Variants in TEX13C observed in about 807,000 individuals in gnomAD.
TEX13C encodes the protein TEX13 family member C, also known as testis-expressed protein 13C.
For synonymous variants in TEX13C, 219 were observed against 116.6 expected (o/e 1.88, Z -5.65); for missense variants, 480 against 298.7 (o/e 1.61, Z -4.47).
At chrX:125,320,385 A>C in exon 1 of TEX13C, 1 of 515,855 alleles carries the variant, frequency 1.9e-6, no homozygotes. Flanking sequence ...CTGCTGTACC[A>C]GGTTTGGTGG....
chrX:125,324,376 C>T (rs1198586463), exon 1 of TEX13C: 1 of 111,251 alleles, frequency 9.0e-6, no homozygotes, highest in East Asian at 2.8e-4. Context: ...GCGAAAGAGA[C>T]TTTCATGAAA....
exon 1 of TEX13C, chrX:125,322,563 G>A (rs1310496841): frequency 5.9e-6 from 3 of 512,367 alleles, no homozygotes; most frequent in Non-Finnish European, 1.0e-5. Flanking sequence ...AGAATCCACA[G>A]CCTGAAGAAA....
chrX:125,324,184 A>G (rs1189164080), exon 1 of TEX13C: 1 of 111,503 alleles, frequency 9.0e-6, no homozygotes, highest in African/African-American at 3.3e-5. Flanking sequence ...CTAGACTTGT[A>G]TGTTATTATC....
chrX:125,323,981 A>G (rs2018870974), exon 1 of TEX13C: 3 of 112,189 alleles, frequency 2.7e-5, no homozygotes, highest in African/African-American at 9.7e-5. Context: ...TTAACTTAGA[A>G]AAGTTTGGGG....
exon 1 of TEX13C, chrX:125,322,225 G>A (rs1466291973): frequency 1.4e-4 from 71 of 503,982 alleles, no homozygotes; most frequent in Non-Finnish European, 2.4e-4. Context: ...CCAAGGAGAT[G>A]GTCCCCCTGG....
chrX:125,321,472 G>T (rs182081365), exon 1 of TEX13C: 2 of 509,933 alleles, frequency 3.9e-6, no homozygotes, highest in Non-Finnish European at 7.0e-6. Context: ...TGTGCCAGGA[G>T]ATGGTCCCCC....
exon 1 of TEX13C, chrX:125,323,146 G>A: frequency 4.6e-6 from 2 of 439,524 alleles, no homozygotes; most frequent in South Asian, 3.7e-5. Context: ...GCACTCCAAA[G>A]AGAAACCAAT....
exon 1 of TEX13C, chrX:125,323,004 C>A (rs2018863468): frequency 1.9e-6 from 1 of 515,476 alleles, no homozygotes; most frequent in African/African-American, 2.3e-5. Flanking sequence ...TGGGCCTGCC[C>A]ATGGTGTAAT....
chrX:125,319,883 C>T (rs918537931), upstream of TEX13C, among the ~76,000 whole-genome samples: 6 of 112,180 alleles, frequency 5.3e-5, no homozygotes, highest in African/African-American at 1.9e-4. Flanking sequence ...TGTGATGTGT[C>T]GCGGAGTTGC....
At chrX:125,322,845 T>C (rs3135238) in exon 1 of TEX13C, 96,118 of 512,450 alleles carry the variant, frequency 0.19, 12,450 homozygotes, top group African/African-American at 0.77. Flanking sequence ...AGGCCCCAGG[T>C]AACCCCTCTG....
exon 1 of TEX13C, chrX:125,322,070 A>G (rs56129157): frequency 2.1e-6 from 1 of 480,304 alleles, no homozygotes; most frequent in East Asian, 3.8e-5. Flanking sequence ...CCACAGCCTG[A>G]AGAAAGATCC....
chrX:125,322,990 G>A (rs1425572762), exon 1 of TEX13C: 1 of 515,644 alleles, frequency 1.9e-6, no homozygotes, highest in South Asian at 2.5e-5. Context: ...CCAGCCCAGT[G>A]AATTGGGCCT....
chrX:125,320,998 T>C (rs1194242514), exon 1 of TEX13C: 1 of 515,108 alleles, frequency 1.9e-6, no homozygotes, highest in Admixed American at 2.6e-5. Flanking sequence ...AGAAGTGCCA[T>C]GGCCAGGATG....
chrX:125,320,321 A>C, exon 1 of TEX13C: 1 of 515,872 alleles, frequency 1.9e-6, no homozygotes, highest in Non-Finnish European at 3.5e-6. Flanking sequence ...GAGGGCCTGT[A>C]CCTGGAGCGC....
At chrX:125,324,478 A>G (rs965103025) in exon 1 of TEX13C, 12 of 110,790 alleles carry the variant, frequency 1.1e-4, no homozygotes, top group African/African-American at 3.9e-4. Context: ...CATGATCATC[A>G]TAGCTCACTG....
chrX:125,322,117 C>T, exon 1 of TEX13C: 1 of 491,424 alleles, frequency 2.0e-6, no homozygotes, highest in Non-Finnish European at 3.6e-6. Context: ...TGGAGGACAG[C>T]AACAGCCATA....
exon 1 of TEX13C, chrX:125,322,619 A>C: frequency 1.9e-6 from 1 of 514,455 alleles, no homozygotes; most frequent in Non-Finnish European, 3.5e-6. Context: ...GGACAGCAAC[A>C]GCCACAGCAT....
chrX:125,324,694 T>C (rs1332935659), exon 1 of TEX13C: 1 of 112,498 alleles, frequency 8.9e-6, no homozygotes. Context: ...CTCTGCTGAT[T>C]TCCTCCTTTG....
upstream of TEX13C, among the ~76,000 whole-genome samples, chrX:125,319,885 C>T (rs751908850): frequency 3.8e-4 from 43 of 112,185 alleles, no homozygotes; most frequent in Non-Finnish European, 7.5e-4. Flanking sequence ...TGATGTGTCG[C>T]GGAGTTGCCG....
Sources: allele counts gnomAD v4.1 joint callset (sites outside exome capture counted in the v4.1 genomes callset), GRCh38; gene constraint gnomAD v4.1.1; transcripts MANE v1.5; gene names NCBI Gene and HGNC (gene_info 2026-07-23, HGNC 2026-07-21).